Variants in DOCK3 observed in about 807,000 individuals in gnomAD.
DOCK3 encodes dedicator of cytokinesis 3.
Under a neutral mutation model 265.6 loss-of-function variants are expected in DOCK3, and 60 were observed. The observed-to-expected ratio is 0.23, with a 90% CI of 0.18 to 0.28. The LOEUF (loss-of-function observed/expected upper bound fraction) is 0.28. Among genes scored for constraint, DOCK3 ranks in the 10% least tolerant of loss-of-function variants. The pLI, the probability that DOCK3 is intolerant of heterozygous loss-of-function variation, is 1.00. For missense variants in DOCK3, 1,981 were observed against 2,594.3 expected (o/e 0.76, Z 5.14); for synonymous variants, 881 against 938.0 (o/e 0.94, Z 1.11).
chr3:51,295,375 C>T (rs1274043746), intron 27 of DOCK3, among the ~76,000 whole-genome samples: 2 of 152,106 alleles, frequency 1.3e-5, no homozygotes, highest in African/African-American at 4.8e-5. Context: ...ACTAATAGAG[C>T]GAGAGCTCAC....
intron 2 of DOCK3, among the ~76,000 whole-genome samples, chr3:50,815,829 C>T (rs1159875613): frequency 6.6e-6 from 1 of 152,156 alleles, no homozygotes; most frequent in Non-Finnish European, 1.5e-5. Flanking sequence ...GGGTAGCCTT[C>T]ATTCTACAAA....
chr3:50,897,991 T>G (rs141821078), intron 4 of DOCK3, among the ~76,000 whole-genome samples: 7,814 of 93,076 alleles, frequency 0.084, 466 homozygotes, highest in Non-Finnish European at 0.11. Flanking sequence ...GCTGGCCTCA[T>G]AAAATGAGTT....
At chr3:50,926,195 A>T (rs2050749272) in intron 4 of DOCK3, among the ~76,000 whole-genome samples, 1 of 152,064 alleles carries the variant, frequency 6.6e-6, no homozygotes, top group South Asian at 2.1e-4. Context: ...GTCTCTTGAC[A>T]TTAATTTAGT....
chr3:51,133,605 A>G (rs1270923442), intron 9 of DOCK3, among the ~76,000 whole-genome samples: 1 of 152,068 alleles, frequency 6.6e-6, no homozygotes, highest in East Asian at 1.9e-4. Context: ...GCTATTGTGA[A>G]TAGTGCCACA....
intron 1 of DOCK3, chr3:50,685,657 T>C: frequency 5.1e-6 from 1 of 195,328 alleles, no homozygotes. Flanking sequence ...ACAAAAACCC[T>C]GGAATAATTA....
intron 28 of DOCK3, among the ~76,000 whole-genome samples, chr3:51,310,770 C>G (rs1192788607): frequency 6.6e-6 from 1 of 152,190 alleles, no homozygotes; most frequent in Non-Finnish European, 1.5e-5. Context: ...ATAATCCTAA[C>G]CTGACTGCCT....
chr3:51,022,635 G>A (rs2079642639), intron 5 of DOCK3, among the ~76,000 whole-genome samples: 1 of 152,126 alleles, frequency 6.6e-6, no homozygotes, highest in Admixed American at 6.5e-5. Context: ...GGGATGTATA[G>A]TTTGCAAGTA....
intron 23 of DOCK3, among the ~76,000 whole-genome samples, chr3:51,266,449 C>T (rs901702947): frequency 6.6e-6 from 1 of 152,146 alleles, no homozygotes; most frequent in African/African-American, 2.4e-5. Context: ...CTACAGTAAC[C>T]AAAACAGTAT....
At chr3:50,693,992 A>G (rs112656971) in intron 1 of DOCK3, among the ~76,000 whole-genome samples, 14,342 of 151,772 alleles carry the variant, frequency 0.094, 836 homozygotes, top group Non-Finnish European at 0.12. Context: ...TTGTTGGCCA[A>G]GTGTGGTGGC....
intron 6 of DOCK3, among the ~76,000 whole-genome samples, chr3:51,072,454 C>T (rs969449986): frequency 2.0e-5 from 3 of 151,894 alleles, no homozygotes; most frequent in Non-Finnish European, 4.4e-5. Flanking sequence ...GTCATCCAGA[C>T]GGGAGTGTGG....
rs1420844668 is a variant in DOCK3, at chr3:51,014,081, T to C, written c.316-50367T>C. ...CCGGTACAGTCTGTCAAGGCTTCCCTTGGCTAGGAAAGGGGAATCCCCCGA... is the reference window on the plus strand; with the variant it reads ...CCGGTACAGTCTGTCAAGGCTTCCCCTGGCTAGGAAAGGGGAATCCCCCGA... On this transcript the variant is annotated intron_variant, in intron 5 of 52. Coordinates refer to ENST00000266037, the MANE Select transcript of DOCK3 (RefSeq NM_004947.5). Among the ~76,000 whole-genome samples, 5 of 152,272 alleles carry C rather than the reference T, an allele frequency of 3.3e-5. No individual in the cohort carries two copies. In the East Asian group the frequency reaches 9.7e-4, roughly 29 times the overall value.
At chr3:51,368,522 T>C (rs1422201074) in intron 49 of DOCK3, among the ~76,000 whole-genome samples, 1 of 152,180 alleles carries the variant, frequency 6.6e-6, no homozygotes, top group East Asian at 1.9e-4. Flanking sequence ...CATCCGCCAT[T>C]GCTGAGGCTT....
intron 6 of DOCK3, among the ~76,000 whole-genome samples, chr3:51,072,875 T>G (rs2081929094): frequency 6.7e-6 from 1 of 150,124 alleles, no homozygotes; most frequent in Admixed American, 6.6e-5. Flanking sequence ...CTGGCTAATT[T>G]TTTTTTTTTT....
At chr3:51,229,396 A>G in intron 18 of DOCK3, 116 bp from the exon 19 acceptor site, 1 of 594,978 alleles carries the variant, frequency 1.7e-6, no homozygotes. Context: ...GGTTGCAGTG[A>G]GCTGAGATCA....
At chr3:51,150,840 A>G (rs918023557) in intron 10 of DOCK3, among the ~76,000 whole-genome samples, 3 of 152,282 alleles carry the variant, frequency 2.0e-5, no homozygotes, top group African/African-American at 7.2e-5. Context: ...AGTTCTGTAG[A>G]TGTCTATTTG....
At chr3:51,033,074 C>T (rs1259814907) in intron 5 of DOCK3, among the ~76,000 whole-genome samples, 3 of 152,110 alleles carry the variant, frequency 2.0e-5, no homozygotes, top group Non-Finnish European at 4.4e-5. Flanking sequence ...AGTGGATGCC[C>T]TTTAAAGATT....
intron 27 of DOCK3, among the ~76,000 whole-genome samples, chr3:51,280,610 A>C (rs974649599): frequency 3.3e-5 from 5 of 152,076 alleles, no homozygotes; most frequent in Non-Finnish European, 5.9e-5. Flanking sequence ...TTTTCATTTA[A>C]ATATATTTGT....
At chr3:51,293,757 T>A (rs2081920737) in intron 27 of DOCK3, among the ~76,000 whole-genome samples, 1 of 152,164 alleles carries the variant, frequency 6.6e-6, no homozygotes. Flanking sequence ...CTCAAGCTAC[T>A]CAATAACAAG....
chr3:50,788,548 C>T (rs1344447664), intron 2 of DOCK3, among the ~76,000 whole-genome samples: 2 of 152,238 alleles, frequency 1.3e-5, no homozygotes, highest in African/African-American at 4.8e-5. Flanking sequence ...CTGGGCCAGC[C>T]ACCTCCACCG....
Sources: gnomAD v4.1 joint callset for allele counts (sites outside exome capture counted in the v4.1 genomes callset) on GRCh38, gnomAD v4.1.1 for gene constraint, MANE v1.5 for transcripts, NCBI Gene and HGNC (gene_info 2026-07-23, HGNC 2026-07-21) for gene names.